PTPRD: variants seen among roughly 807,000 people sequenced by gnomAD.
The protein encoded by PTPRD is protein tyrosine phosphatase receptor type D, also known as receptor-type tyrosine-protein phosphatase delta.
In PTPRD, 34 loss-of-function variants were observed where a neutral mutation model predicts 214.5. The ratio of observed to expected loss-of-function variants is 0.16; its 90% CI spans 0.12 to 0.21. The LOEUF is 0.21. Ranked by LOEUF, PTPRD falls within the 10% of genes least tolerant of loss-of-function variation. PTPRD has a pLI of 1.00. For synonymous variants in PTPRD, 1,128 were observed against 845.7 expected, an observed-to-expected ratio of 1.33 and a Z score of -5.79; for missense variants, 2,545 against 2,398.7, an observed-to-expected ratio of 1.06 and a Z score of -1.27.
intron 8 of PTPRD, among the ~76,000 whole-genome samples, chr9:9,500,806 T>C (rs923080899): frequency 3.9e-5 from 6 of 152,012 alleles, no homozygotes; most frequent in African/African-American, 1.4e-4. Context: ...AATAAAGTTG[T>C]TTTGGGAGGG....
At chr9:8,893,291 CA>C (rs2098558088) in intron 11 of PTPRD, among the ~76,000 whole-genome samples, 1 of 152,088 alleles carries the variant, frequency 6.6e-6, no homozygotes. Flanking sequence ...TTGTATTGGG[CA>C]GCAGCCACCT....
At chr9:10,357,329 A>C (rs1306706764) in intron 2 of PTPRD, among the ~76,000 whole-genome samples, 1 of 152,150 alleles carries the variant, frequency 6.6e-6, no homozygotes, top group African/African-American at 2.4e-5. Context: ...ACTAGAAAAA[A>C]CTATTTTCAC....
intron 11 of PTPRD, among the ~76,000 whole-genome samples, chr9:8,997,846 C>A (rs2099402799): frequency 6.6e-6 from 1 of 152,028 alleles, no homozygotes; most frequent in Non-Finnish European, 1.5e-5. Flanking sequence ...AGTGAATACA[C>A]AAATGATAAG....
intron 8 of PTPRD, among the ~76,000 whole-genome samples, chr9:9,554,953 T>C (rs1026801738): frequency 2.0e-5 from 3 of 152,066 alleles, no homozygotes; most frequent in African/African-American, 7.2e-5. Flanking sequence ...TATTCTATAT[T>C]ATACAAGCTA....
rs550267908 is a variant in PTPRD at position 9,359,114 on chromosome 9, G to A, written c.-203+38335C>T. Among the ~76,000 whole-genome samples, 59 of 151,452 alleles carry A rather than the reference G, an allele frequency of 3.9e-4. 1 individual carries two copies. The highest frequency in any genetic ancestry group is 1.4e-3 in the African/African-American group (57 of 41,446). ...CTGGTTGTCATTTTCAGAGTCAACA[G>A]ATGTTGACCTTAGGGTGGCAACTTT... On this transcript the variant is annotated intron_variant, in intron 9 of 45. Coordinates refer to ENST00000381196, the MANE Select transcript of PTPRD (RefSeq NM_002839.4).
intron 7 of PTPRD, among the ~76,000 whole-genome samples, chr9:9,728,596 G>A (rs1487680219): frequency 6.6e-6 from 1 of 152,082 alleles, no homozygotes; most frequent in Non-Finnish European, 1.5e-5. Flanking sequence ...TGGTGATTCA[G>A]GTCATTCCAG....
intron 2 of PTPRD, among the ~76,000 whole-genome samples, chr9:10,533,484 G>A (rs1411319326): frequency 1.3e-5 from 2 of 151,916 alleles, no homozygotes; most frequent in Non-Finnish European, 2.9e-5. Flanking sequence ...GTCTCGCTGA[G>A]TCTTTGCTGA....
At chr9:9,819,095 G>C (rs1176036065) in intron 5 of PTPRD, among the ~76,000 whole-genome samples, 1 of 152,050 alleles carries the variant, frequency 6.6e-6, no homozygotes, top group Non-Finnish European at 1.5e-5. Flanking sequence ...GAATAATGCA[G>C]TCCCACATCA....
At chr9:8,667,032 G>A (rs545808481) in intron 12 of PTPRD, among the ~76,000 whole-genome samples, 1 of 152,184 alleles carries the variant, frequency 6.6e-6, no homozygotes, top group African/African-American at 2.4e-5. Flanking sequence ...GGAATTTGGA[G>A]GGCCAGTTTG....
chr9:10,095,594 A>G (rs1563766748), intron 3 of PTPRD, among the ~76,000 whole-genome samples: 1 of 151,590 alleles, frequency 6.6e-6, no homozygotes, highest in African/African-American at 2.4e-5. Context: ...ATGATATTTG[A>G]TAAAATAATG....
chr9:10,427,601 G>T (rs2098634407), intron 2 of PTPRD, among the ~76,000 whole-genome samples: 1 of 152,018 alleles, frequency 6.6e-6, no homozygotes, highest in Admixed American at 6.6e-5. Flanking sequence ...AGAGCTATGT[G>T]CCAATCATAA....
rs1219819112 is a variant in PTPRD at position 9,258,106 on chromosome 9, T to TAGAC, written c.-202-74744_-202-74743insGTCT. Among the ~76,000 whole-genome samples, 3 of 150,020 alleles carry TAGAC rather than the reference T, an allele frequency of 2.0e-5. No individual in the cohort carries two copies. The East Asian group carries it at 5.9e-4, about 29-fold the overall frequency. On this transcript the variant is annotated intron_variant, in intron 9 of 45. Coordinates refer to ENST00000381196, the MANE Select transcript of PTPRD (RefSeq NM_002839.4). ...GAATGGATAGAGATAGATAGATAGA[T>TAGAC]AGATAGATAGACAGATAAACTGCAT...
intron 10 of PTPRD, among the ~76,000 whole-genome samples, chr9:9,057,557 G>C (rs1200533751): frequency 6.6e-6 from 1 of 152,070 alleles, no homozygotes; most frequent in Non-Finnish European, 1.5e-5. Context: ...AGGATTTTTT[G>C]TTAAATGATG....
intron 7 of PTPRD, among the ~76,000 whole-genome samples, chr9:9,595,044 T>G (rs1252627413): frequency 6.6e-6 from 1 of 151,830 alleles, no homozygotes; most frequent in Non-Finnish European, 1.5e-5. Context: ...CAATACTACC[T>G]TACTCCAGCA....
At chr9:8,469,467 G>GAT (rs774277134) in intron 31 of PTPRD, among the ~76,000 whole-genome samples, 3 of 151,964 alleles carry the variant, frequency 2.0e-5, no homozygotes, top group Non-Finnish European at 4.4e-5. Flanking sequence ...TAAACAGGAT[G>GAT]ATGACACTTC....
chr9:8,998,417 T>C (rs2099405204), intron 11 of PTPRD, among the ~76,000 whole-genome samples: 1 of 152,028 alleles, frequency 6.6e-6, no homozygotes, highest in Admixed American at 6.6e-5. Flanking sequence ...CAACAAAGCC[T>C]GGATGAGAGC....
chr9:8,321,608 G>T (rs78063297), intron 44 of PTPRD, among the ~76,000 whole-genome samples: 2,729 of 148,058 alleles, frequency 0.018, 77 homozygotes, highest in African/African-American at 0.063. Flanking sequence ...AATGAGAACA[G>T]GCACACATAA....
chr9:9,627,829 C>T (rs1210302071), intron 7 of PTPRD, among the ~76,000 whole-genome samples: 1 of 152,134 alleles, frequency 6.6e-6, no homozygotes, highest in Non-Finnish European at 1.5e-5. Flanking sequence ...AATTCTATGA[C>T]TTGTTAGGTA....
rs185961483 is a variant in PTPRD, at chr9:10,228,976, G to A, written c.-545+111987C>T. 4.5e-4 allele frequency among the ~76,000 whole-genome samples: 69 copies of A among 151,944 alleles called. No homozygotes were observed. The Middle Eastern group carries it at 0.014, about 30-fold the overall frequency. On this transcript the variant is annotated intron_variant, in intron 3 of 45. Coordinates refer to ENST00000381196, the MANE Select transcript of PTPRD (RefSeq NM_002839.4). ...GGCATTGCTTCTTAATTCCTCAGTT[G>A]TTGACATTTCAGAAGCACTAAGATC...
Sources: gnomAD v4.1 joint callset for allele counts (sites outside exome capture counted in the v4.1 genomes callset) on GRCh38, gnomAD v4.1.1 for gene constraint, MANE v1.5 for transcripts, NCBI Gene and HGNC (gene_info 2026-07-23, HGNC 2026-07-21) for gene names.